The following SLC24A2 variants were observed in gnomAD, a reference collection of about 807,000 sequenced individuals.
The protein encoded by SLC24A2 is solute carrier family 24 member 2.
Under a neutral mutation model 62.0 loss-of-function variants are expected in SLC24A2, and 36 were observed. The ratio of observed to expected loss-of-function variants is 0.58; its 90% CI spans 0.44 to 0.77. SLC24A2 has a LOEUF of 0.77. Ranked by LOEUF, SLC24A2 falls within the 30% of genes least tolerant of loss-of-function variation. SLC24A2 has a pLI of 0.00. For synonymous variants in SLC24A2, 358 were observed against 294.0 expected (o/e 1.22, Z -2.23); for missense variants, 846 against 817.9 (o/e 1.03, Z -0.42).
At chr9:20,264,368 C>T in the SLC24A2 span, among the ~76,000 whole-genome samples, 1 of 152,228 alleles carries the variant, frequency 6.6e-6, no homozygotes, top group East Asian at 1.9e-4. Context: ...CCACAGTGGG[C>T]AGGGCCACCA....
chr9:19,836,909 C>A, the SLC24A2 span, among the ~76,000 whole-genome samples: 1 of 152,298 alleles, frequency 6.6e-6, no homozygotes, highest in East Asian at 1.9e-4. Context: ...CCATGGGATG[C>A]AAGCCTGGTT....
the SLC24A2 span, among the ~76,000 whole-genome samples, chr9:20,180,431 T>C: frequency 6.6e-6 from 1 of 152,184 alleles, no homozygotes; most frequent in Non-Finnish European, 1.5e-5. Context: ...TGACTTCCAG[T>C]GATCTCCATT....
At chr9:19,729,015 C>T (rs1013613443) in intron 2 of SLC24A2, among the ~76,000 whole-genome samples, 5 of 152,138 alleles carry the variant, frequency 3.3e-5, no homozygotes, top group Non-Finnish European at 7.4e-5. Context: ...AATCTTAATG[C>T]CCATCGTTTC....
the SLC24A2 span, among the ~76,000 whole-genome samples, chr9:20,232,322 C>A: frequency 1.3e-5 from 2 of 152,302 alleles, no homozygotes; most frequent in Middle Eastern, 3.4e-3. Context: ...ACCAGCTCCT[C>A]TTTGTACCTC....
chr9:19,885,337 G>A, the SLC24A2 span, among the ~76,000 whole-genome samples: 3 of 151,486 alleles, frequency 2.0e-5, no homozygotes, highest in Non-Finnish European at 4.4e-5. Flanking sequence ...AAGAAGGTAG[G>A]CAGGGGCCTG....
chr9:19,909,141 AC>A, the SLC24A2 span, among the ~76,000 whole-genome samples: 3 of 152,244 alleles, frequency 2.0e-5, no homozygotes, highest in African/African-American at 7.2e-5. Flanking sequence ...ACCATGGAAT[AC>A]TATGCAGCCA....
chr9:19,956,281 A>G, the SLC24A2 span, among the ~76,000 whole-genome samples: 1 of 152,196 alleles, frequency 6.6e-6, no homozygotes, highest in Non-Finnish European at 1.5e-5. Flanking sequence ...TCTGCTCCAT[A>G]ATTTGTTAAT....
chr9:19,564,075 C>G (rs1213586313), intron 7 of SLC24A2, among the ~76,000 whole-genome samples: 2 of 151,942 alleles, frequency 1.3e-5, no homozygotes, highest in Non-Finnish European at 2.9e-5. Flanking sequence ...AGGCTAGTCT[C>G]AAACTCCTGA....
intron 5 of SLC24A2, among the ~76,000 whole-genome samples, chr9:19,590,138 A>G (rs539037364): frequency 7.1e-6 from 1 of 141,802 alleles, no homozygotes; most frequent in African/African-American, 2.7e-5. Context: ...TGCCCATGGG[A>G]CCAATTTGAA....
chr9:19,672,321 T>TA (rs752416103), intron 2 of SLC24A2, among the ~76,000 whole-genome samples: 3 of 146,660 alleles, frequency 2.0e-5, no homozygotes, highest in Admixed American at 6.7e-5. Context: ...TTTTCTAGTT[T>TA]ATGCATGTAG....
intron 9 of SLC24A2, among the ~76,000 whole-genome samples, chr9:19,524,112 C>G (rs1023226693): frequency 6.9e-5 from 5 of 72,724 alleles, no homozygotes; most frequent in East Asian, 5.1e-4. Flanking sequence ...CATCAGCAGT[C>G]TTTTGGGGGA....
At chr9:20,058,528 T>C in the SLC24A2 span, among the ~76,000 whole-genome samples, 1 of 136,716 alleles carries the variant, frequency 7.3e-6, no homozygotes, top group Admixed American at 7.1e-5. Context: ...CACAAATATT[T>C]GGGAAAGACT....
At chr9:19,734,988 A>G (rs1179529751) in intron 2 of SLC24A2, among the ~76,000 whole-genome samples, 2 of 152,144 alleles carry the variant, frequency 1.3e-5, no homozygotes, top group Admixed American at 6.5e-5. Flanking sequence ...AGCAATGGCA[A>G]CAAAAGCCAA....
chr9:19,578,429 CT>C (rs1388538884), intron 5 of SLC24A2, among the ~76,000 whole-genome samples: 1 of 149,922 alleles, frequency 6.7e-6, no homozygotes, highest in East Asian at 1.9e-4. Context: ...TCTTTTTATC[CT>C]TTATTTTCTT....
the SLC24A2 span, among the ~76,000 whole-genome samples, chr9:19,892,783 G>T: frequency 1.3e-5 from 2 of 152,034 alleles, no homozygotes; most frequent in Non-Finnish European, 2.9e-5. Context: ...GAACAAGAGT[G>T]AATTTTGGCC....
the SLC24A2 span, among the ~76,000 whole-genome samples, chr9:19,994,808 C>A: frequency 6.6e-6 from 1 of 152,210 alleles, no homozygotes; most frequent in Admixed American, 6.5e-5. Context: ...GCCCTAGAAC[C>A]AGCTTATGCT....
the SLC24A2 span, among the ~76,000 whole-genome samples, chr9:19,829,018 C>G: frequency 1.3e-5 from 2 of 152,322 alleles, no homozygotes; most frequent in South Asian, 4.1e-4. Flanking sequence ...CTGGCTTCCT[C>G]TCTCATACTT....
the SLC24A2 span, among the ~76,000 whole-genome samples, chr9:20,081,361 A>G: frequency 6.6e-6 from 1 of 151,690 alleles, no homozygotes; most frequent in South Asian, 2.1e-4. Flanking sequence ...CATCATTCTC[A>G]GCAAACTATC....
chr9:19,962,222 T>C, the SLC24A2 span, among the ~76,000 whole-genome samples: 1 of 152,210 alleles, frequency 6.6e-6, no homozygotes, highest in Non-Finnish European at 1.5e-5. Context: ...CATTGATCTA[T>C]ATCTCTGTTT....
Sources: gnomAD v4.1 joint callset for allele counts (sites outside exome capture counted in the v4.1 genomes callset) on GRCh38, gnomAD v4.1.1 for gene constraint, MANE v1.5 for transcripts, NCBI Gene and HGNC (gene_info 2026-07-23, HGNC 2026-07-21) for gene names.